Variants in NRG3 observed in about 807,000 individuals in gnomAD.
The protein encoded by NRG3 is pro-neuregulin-3, membrane-bound isoform.
Under a neutral mutation model 66.9 loss-of-function variants are expected in NRG3, and 31 were observed. The observed-to-expected ratio is 0.46, with a 90% CI of 0.35 to 0.63. NRG3 has a LOEUF of 0.63. Ranked by LOEUF, NRG3 falls within the 20% of genes least tolerant of loss-of-function variation. The pLI is 0.00. For synonymous variants in NRG3, 393 were observed against 359.4 expected, an observed-to-expected ratio of 1.09 and a Z score of -1.06; for missense variants, 910 against 878.9, an observed-to-expected ratio of 1.04 and a Z score of -0.45.
intron 2 of NRG3, among the ~76,000 whole-genome samples, chr10:82,409,449 G>T (rs1172841062): frequency 6.6e-6 from 1 of 151,738 alleles, no homozygotes; most frequent in African/African-American, 2.4e-5. Context: ...GGGAACCCAT[G>T]CCCGGATAAA....
intron 2 of NRG3, among the ~76,000 whole-genome samples, chr10:82,379,542 G>A (rs970100513): frequency 6.6e-6 from 1 of 152,076 alleles, no homozygotes; most frequent in Non-Finnish European, 1.5e-5. Flanking sequence ...CTATTATGAG[G>A]ATTAAATGAA....
intron 2 of NRG3, among the ~76,000 whole-genome samples, chr10:82,661,751 G>C (rs2052381973): frequency 6.6e-6 from 1 of 152,248 alleles, no homozygotes; most frequent in Non-Finnish European, 1.5e-5. Context: ...GGTCTGCTGA[G>C]GTGGTCTAGG....
At chr10:82,778,736 C>T (rs2060004521) in intron 3 of NRG3, among the ~76,000 whole-genome samples, 1 of 152,032 alleles carries the variant, frequency 6.6e-6, no homozygotes, top group Non-Finnish European at 1.5e-5. Flanking sequence ...CCTTTGGTGG[C>T]AGGGCACCAC....
At chr10:82,869,813 T>C (rs1459840844) in intron 4 of NRG3, among the ~76,000 whole-genome samples, 1 of 151,890 alleles carries the variant, frequency 6.6e-6, no homozygotes, top group East Asian at 1.9e-4. Flanking sequence ...TTTCACCGTG[T>C]TAGCCCGGAT....
At chr10:82,562,581 A>T in intron 2 of NRG3, among the ~76,000 whole-genome samples, 1 of 152,214 alleles carries the variant, frequency 6.6e-6, no homozygotes, top group South Asian at 2.1e-4. Context: ...GATAGTCACT[A>T]CTTTTAAAAG....
At chr10:81,943,120 G>C (rs1848540528) in intron 1 of NRG3, among the ~76,000 whole-genome samples, 1 of 152,090 alleles carries the variant, frequency 6.6e-6, no homozygotes, top group South Asian at 2.1e-4. Flanking sequence ...GGGCATGGTG[G>C]CTCATGCCTG....
rs528282910 is a variant in NRG3 at position 81,918,887 on chromosome 10, G to A, written c.823+42724G>A. On this transcript the variant is annotated intron_variant, in intron 1 of 8. Transcript: ENST00000372141. Reference sequence around the variant, plus strand: ...GAATCATTGCAATTTTCTGTCAAACGAGTTTTGAAATACATCTGGTGTTTA... The same window carrying A: ...GAATCATTGCAATTTTCTGTCAAACAAGTTTTGAAATACATCTGGTGTTTA... Among the ~76,000 whole-genome samples, 6 of 150,512 alleles carry A rather than the reference G, an allele frequency of 4.0e-5. No homozygotes were observed. In the South Asian group the frequency reaches 8.4e-4, roughly 21 times the overall value.
intron 2 of NRG3, among the ~76,000 whole-genome samples, chr10:82,558,471 G>A (rs1173753793): frequency 6.6e-6 from 1 of 152,004 alleles, no homozygotes; most frequent in East Asian, 1.9e-4. Flanking sequence ...ACATAACTCA[G>A]GCCCCACCTC....
At chr10:82,746,209 A>T (rs897395478) in intron 3 of NRG3, among the ~76,000 whole-genome samples, 1 of 152,104 alleles carries the variant, frequency 6.6e-6, no homozygotes, top group East Asian at 1.9e-4. Flanking sequence ...GGTTTTAACC[A>T]TTATGTTGAA....
At chr10:82,765,789 G>A (rs565411357) in intron 3 of NRG3, among the ~76,000 whole-genome samples, 2 of 152,126 alleles carry the variant, frequency 1.3e-5, no homozygotes, top group South Asian at 4.1e-4. Context: ...AGCAAGGTTT[G>A]TAGACTGAAT....
In NRG3 at chr10:82,370,129, C is replaced by T. The variant is rs544627460; in HGVS notation, c.953+11261C>T. ...CAGCTCAGTGGACCCTCTGCTTTAT[C>T]GCAAGGGCAGGGGGCCAGTGTGACA... On this transcript the variant is annotated intron_variant, in intron 2 of 8. Transcript: ENST00000372141. 6.5e-4 allele frequency among the ~76,000 whole-genome samples: 90 copies of T among 139,138 alleles called. 9 individuals are homozygous for T. The highest frequency in any genetic ancestry group is 8.0e-4 in the Non-Finnish European group (54 of 67,618). The allele number at this position is 139,138 out of a possible 152,430, so 91.3% of individuals were successfully genotyped here.
intron 1 of NRG3, among the ~76,000 whole-genome samples, chr10:82,344,386 C>T (rs1174181958): frequency 6.0e-5 from 9 of 151,094 alleles, no homozygotes; most frequent in Admixed American, 4.6e-4. Flanking sequence ...CTACAAAGGA[C>T]ATGAACTCAT....
At chr10:82,694,054 C>A (rs896639625) in intron 2 of NRG3, among the ~76,000 whole-genome samples, 1 of 152,020 alleles carries the variant, frequency 6.6e-6, no homozygotes, top group African/African-American at 2.4e-5. Context: ...TTACAGAGTG[C>A]TGATTGGTGC....
chr10:82,564,939 G>A (rs890011735), intron 2 of NRG3, among the ~76,000 whole-genome samples: 1 of 151,964 alleles, frequency 6.6e-6, no homozygotes, highest in African/African-American at 2.4e-5. Context: ...GGCCTCTTTG[G>A]TGCCAGATTC....
At chr10:82,961,182 C>T (rs564544734) in intron 6 of NRG3, among the ~76,000 whole-genome samples, 12 of 152,072 alleles carry the variant, frequency 7.9e-5, no homozygotes, top group Admixed American at 1.3e-4. Flanking sequence ...ATGTAAGAAA[C>T]GCTTAGGTAT....
At chr10:82,493,737 A>C in intron 2 of NRG3, among the ~76,000 whole-genome samples, 1 of 152,202 alleles carries the variant, frequency 6.6e-6, no homozygotes, top group East Asian at 1.9e-4. Flanking sequence ...AAAAGCAAAA[A>C]TTGACAAATG....
intron 2 of NRG3, among the ~76,000 whole-genome samples, chr10:82,540,755 G>A (rs1449525356): frequency 6.6e-6 from 1 of 152,134 alleles, no homozygotes; most frequent in African/African-American, 2.4e-5. Flanking sequence ...ACAGCATATG[G>A]AAATAGAAAA....
intron 2 of NRG3, among the ~76,000 whole-genome samples, chr10:82,706,315 G>A (rs1363186274): frequency 2.0e-5 from 3 of 152,110 alleles, no homozygotes; most frequent in African/African-American, 7.2e-5. Context: ...CTTCCAAGAT[G>A]ATTGCCTAGT....
At chr10:81,982,239 G>C (rs1589679424) in intron 1 of NRG3, among the ~76,000 whole-genome samples, 1 of 152,296 alleles carries the variant, frequency 6.6e-6, no homozygotes, top group East Asian at 1.9e-4. Flanking sequence ...ACACAGTTCA[G>C]CTAATCTCTC....
Sources: gnomAD v4.1 joint callset for allele counts (sites outside exome capture counted in the v4.1 genomes callset) on GRCh38, gnomAD v4.1.1 for gene constraint, MANE v1.5 for transcripts, NCBI Gene and HGNC (gene_info 2026-07-23, HGNC 2026-07-21) for gene names.